GLMN: variants seen among roughly 807,000 people sequenced by gnomAD.
GLMN encodes the protein glomulin, FKBP associated protein, also known as glomulin.
A neutral mutation model predicts 87.8 loss-of-function variants in GLMN; 75 were observed. The observed-to-expected ratio is 0.85, with a 90% CI of 0.71 to 1.04. The LOEUF is 1.04. GLMN is among the 50% of genes least tolerant of loss of function. The pLI is 0.00. For synonymous variants in GLMN, 206 were observed against 221.6 expected, an observed-to-expected ratio of 0.93 and a Z score of 0.63; for missense variants, 588 against 658.8, an observed-to-expected ratio of 0.89 and a Z score of 1.18.
chr1:92,321,395 G>A, the GLMN span, among the ~76,000 whole-genome samples: 2 of 152,050 alleles, frequency 1.3e-5, no homozygotes, highest in Non-Finnish European at 2.9e-5. Context: ...CTAAAAGATG[G>A]TATCTAAGAC....
the GLMN span, among the ~76,000 whole-genome samples, chr1:92,352,782 T>C: frequency 6.6e-6 from 1 of 152,192 alleles, no homozygotes; most frequent in Admixed American, 6.5e-5. Context: ...GTTGTACAAC[T>C]ATCACCACTA....
chr1:92,317,998 C>T, the GLMN span, among the ~76,000 whole-genome samples: 1 of 152,212 alleles, frequency 6.6e-6, no homozygotes, highest in Non-Finnish European at 1.5e-5. Context: ...TCTCAATCTG[C>T]AGCTATCACT....
rs181137884 is a variant in GLMN at position 92,294,371 on chromosome 1, C to A, written c.166-2834G>T. ...AGTATACGATACAGTAGTCTCCCCACTTATCTGCAGGGGGTACATTCCAGG... is the reference window on the plus strand; with the variant it reads ...AGTATACGATACAGTAGTCTCCCCAATTATCTGCAGGGGGTACATTCCAGG... On this transcript the variant is annotated intron_variant, in intron 3 of 18. Transcript: ENST00000370360. 2.6e-4 allele frequency among the ~76,000 whole-genome samples: 39 copies of A among 152,272 alleles called. No homozygotes were observed. In the East Asian group the frequency reaches 7.5e-3, roughly 29 times the overall value.
chr1:92,297,481 G>T lies in GLMN; in HGVS notation c.88C>A (p.Gln30Lys), dbSNP rs1650237056. Residue 30 changes from glutamine (Q) to lysine (K), a missense_variant, in exon 3 of 19, where the codon CAG becomes AAG. Gln to Lys is a moderately conservative substitution (Grantham distance 53). Transcript: ENST00000370360. ...TCTATGCATCTTTGCCCAGCTAACT[G>T]AAATAGGCCAAAATCCTCTTCTTTA... ...DFKEEDFGLF[Q>K]LAGQRCIEEG... 1.2e-6 allele frequency: 2 copies of T among 1,608,270 alleles called. No individual in the cohort carries two copies. The highest frequency in any genetic ancestry group is 1.7e-6 in the Non-Finnish European group (2 of 1,178,514).
the GLMN span, among the ~76,000 whole-genome samples, chr1:92,315,946 C>T: frequency 6.6e-6 from 1 of 152,184 alleles, no homozygotes; most frequent in Non-Finnish European, 1.5e-5. Context: ...TTTTCACCCA[C>T]TTGGTGGCCA....
chr1:92,309,001 C>T, the GLMN span, among the ~76,000 whole-genome samples: 1 of 152,018 alleles, frequency 6.6e-6, no homozygotes, highest in Non-Finnish European at 1.5e-5. Flanking sequence ...AACAGGTCTT[C>T]CTGTAACCTT....
rs1409791241 is a variant in GLMN, at chr1:92,286,676, T to C, written c.633-84A>G. 14 of 763,910 alleles carry C rather than the reference T, an allele frequency of 1.8e-5. No individual in the cohort carries two copies. The East Asian group carries it at 2.0e-4, about 11-fold the overall frequency. 47.3% of individuals were successfully genotyped at this position (763,910 alleles called of 1,614,324 possible). On this transcript the variant is annotated intron_variant, in intron 6 of 18. Coordinates refer to ENST00000370360, the MANE Select transcript of GLMN (RefSeq NM_053274.3). ...GTCTTCAAATCTAAGTTAATTTTAC[T>C]TGAAAAATAACATAAGCACTGCTAT...
At chr1:92,259,732 C>CTTTTTTTTTTTTTT (rs58390058) in intron 16 of GLMN, among the ~76,000 whole-genome samples, 246 of 108,206 alleles carry the variant, frequency 2.3e-3, no homozygotes, top group East Asian at 6.4e-3. Flanking sequence ...TTTTTTCTTT[C>CTTTTTTTTTTTTTT]TTTTTTTTTT....
chr1:92,281,904 A>C (rs972094104), intron 7 of GLMN, among the ~76,000 whole-genome samples: 4 of 152,250 alleles, frequency 2.6e-5, no homozygotes, highest in African/African-American at 9.6e-5. Context: ...TAAAGGGATA[A>C]ATTCAACAAG....
intron 16 of GLMN, among the ~76,000 whole-genome samples, chr1:92,260,148 A>C (rs1654840576): frequency 6.6e-6 from 1 of 152,110 alleles, no homozygotes; most frequent in Admixed American, 6.6e-5. Context: ...TTGTCATTGC[A>C]CTCAGGAGAA....
At chr1:92,297,890 T>C in intron 2 of GLMN, 71 bp downstream of exon 2, 1 of 831,730 alleles carries the variant, frequency 1.2e-6, no homozygotes, top group South Asian at 1.4e-5. Flanking sequence ...TGACCACAAA[T>C]ATAATTAAAA....
intron 7 of GLMN, among the ~76,000 whole-genome samples, chr1:92,273,273 C>A (rs1656438514): frequency 6.6e-6 from 1 of 152,096 alleles, no homozygotes; most frequent in Non-Finnish European, 1.5e-5. Context: ...ATTCAGCGAC[C>A]AGATGCTAAA....
intron 7 of GLMN, among the ~76,000 whole-genome samples, chr1:92,277,704 A>T (rs1195655211): frequency 1.3e-5 from 2 of 152,188 alleles, no homozygotes; most frequent in Non-Finnish European, 2.9e-5. Context: ...TGAACGCACG[A>T]AGTTTCCAGT....
chr1:92,264,990 C>T (rs1655449088), intron 13 of GLMN, among the ~76,000 whole-genome samples: 1 of 152,072 alleles, frequency 6.6e-6, no homozygotes, highest in Non-Finnish European at 1.5e-5. Flanking sequence ...TACAGGCGCC[C>T]GCCACCGTGC....
the GLMN span, among the ~76,000 whole-genome samples, chr1:92,362,688 T>C: frequency 6.6e-6 from 1 of 152,206 alleles, no homozygotes; most frequent in Non-Finnish European, 1.5e-5. Flanking sequence ...TTACAGTAAT[T>C]GAATCTCCAG....
the GLMN span, among the ~76,000 whole-genome samples, chr1:92,313,376 A>G: frequency 2.6e-5 from 4 of 152,116 alleles, no homozygotes; most frequent in East Asian, 1.9e-4. Context: ...CTAATCTTGT[A>G]CATTTGCATC....
chr1:92,267,969 C>G lies in GLMN; in HGVS notation c.1042G>C (p.Asp348His). Residue 348 changes from aspartate (D) to histidine (H), a missense_variant, in exon 11 of 19, where the codon GAC becomes CAC. Coordinates refer to ENST00000370360, the MANE Select transcript of GLMN (RefSeq NM_053274.3). ...LLENSLLRIEDNSLLYQYLEI... is the reference protein window; with the variant it reads ...LLENSLLRIEHNSLLYQYLEI... ...AAGTACTGGTAAAGTAGACTATTGT[C>G]TTCTATTCTCAATAAACTATTCTCC... The G allele has an allele frequency of 6.4e-7, 1 of 1,565,328 alleles. No individual in the cohort carries two copies. The highest frequency in any genetic ancestry group is 1.3e-5 in the African/African-American group (1 of 74,102).
chr1:92,363,845 A>C, the GLMN span: 1 of 214,660 alleles, frequency 4.7e-6, no homozygotes, highest in Admixed American at 5.1e-5. Context: ...TAAGGATCTA[A>C]TACATATCCT....
intron 16 of GLMN, among the ~76,000 whole-genome samples, chr1:92,253,725 C>T (rs573255733): frequency 6.6e-6 from 1 of 152,300 alleles, no homozygotes; most frequent in Non-Finnish European, 1.5e-5. Context: ...ATAGCATTAA[C>T]GTCAACAAAA....
Sources: gnomAD v4.1 joint callset for allele counts (sites outside exome capture counted in the v4.1 genomes callset) on GRCh38, gnomAD v4.1.1 for gene constraint, MANE v1.5 for transcripts, NCBI Gene and HGNC (gene_info 2026-07-23, HGNC 2026-07-21) for gene names.